The following SWI5 variants were observed in gnomAD, a reference collection of about 807,000 sequenced individuals.
The protein encoded by SWI5 is DNA repair protein SWI5 homolog.
In SWI5, 12 loss-of-function variants were observed where a neutral mutation model predicts 17.0. The observed-to-expected ratio is 0.71, with a 90% confidence interval of 0.45 to 1.14. SWI5 has a LOEUF of 1.14. Ranked by LOEUF, SWI5 falls within the 50% of genes most tolerant of loss-of-function variation. The probability of loss-of-function intolerance (pLI) is 0.00; values close to 1 mark genes in which losing one functional copy is unlikely to be tolerated. For missense variants in SWI5, 158 were observed against 162.2 expected (o/e 0.97, Z 0.14); for synonymous variants, 61 against 64.0 (o/e 0.95, Z 0.22).
At chr9:128,275,468 C>A, upstream of SWI5, 2 of 1,303,106 alleles carry the variant, frequency 1.5e-6, no homozygotes, top group Non-Finnish European at 2.0e-6. Flanking sequence ...CCAAAGAACC[C>A]CGGGAGGTCC....
chr9:128,288,461 C>G (rs1000520924), intron 4 of SWI5, among the ~76,000 whole-genome samples, 191 bp from the exon 5 acceptor site: 1 of 152,120 alleles, frequency 6.6e-6, no homozygotes, highest in Non-Finnish European at 1.5e-5. Flanking sequence ...AGGTGGGGCC[C>G]GTGGGGGACA....
intron 2 of SWI5, among the ~76,000 whole-genome samples, chr9:128,277,948 CTTTTT>C (rs71381748): frequency 2.5e-5 from 2 of 80,862 alleles, no homozygotes; most frequent in African/African-American, 8.5e-5. Flanking sequence ...CATTCCTTCT[CTTTTT>C]TTTTTTTTTT....
At chr9:128,276,514 C>T (rs970959038) in intron 1 of SWI5, 112 bp downstream of exon 1, 29 of 1,569,934 alleles carry the variant, frequency 1.8e-5, no homozygotes, top group Non-Finnish European at 2.5e-5. Flanking sequence ...CTCCAGACAA[C>T]CCCCGTCTCA....
intron 2 of SWI5, among the ~76,000 whole-genome samples, chr9:128,280,524 A>G (rs574863667): frequency 6.6e-6 from 1 of 151,576 alleles, no homozygotes; most frequent in Admixed American, 6.6e-5. Context: ...AAAAAAAAAA[A>G]AAAAAACAAG....
In SWI5 at chr9:128,285,858, C is replaced by T; in HGVS notation, c.234-81C>T. The T allele has an allele frequency of 1.1e-6, 1 of 945,608 alleles. No individual in the cohort carries two copies. The highest frequency in any genetic ancestry group is 1.7e-6 in the Non-Finnish European group (1 of 582,978). The allele number at this position is 945,608 out of a possible 1,614,324, so 58.6% of individuals were successfully genotyped here. ...TCACCGAGTAGGCCATTACAGATGC[C>T]TTATTACTATCTGAGCCTGGGGCCA... On this transcript the variant is annotated intron_variant, in intron 3 of 4. Coordinates refer to ENST00000418976, the Ensembl canonical transcript of SWI5. This position sits in a 1 kb window ranked among gnomAD's most constrained non-coding sequence, Gnocchi z 4.8.
At chr9:128,288,956 A>G (rs1205506336) in exon 5 of SWI5, 1 of 569,130 alleles carries the variant, frequency 1.8e-6, no homozygotes, top group Non-Finnish European at 3.1e-6. Context: ...GGGTACATGT[A>G]CTTTATTTGT....
Sources: allele counts gnomAD v4.1 joint callset (sites outside exome capture counted in the v4.1 genomes callset), GRCh38; gene constraint gnomAD v4.1.1; non-coding constraint Gnocchi (gnomAD v3.1); transcripts MANE v1.5; gene names NCBI Gene and HGNC (gene_info 2026-07-23, HGNC 2026-07-21).